PCDHGB5: variants seen among roughly 807,000 people sequenced by gnomAD.
PCDHGB5 encodes protocadherin gamma-B5.
In PCDHGB5, 48 loss-of-function variants were observed where a neutral mutation model predicts 62.9. That is an observed-to-expected ratio of 0.76 (90% CI 0.61 to 0.97). PCDHGB5 has a LOEUF of 0.97. Ranked by LOEUF, PCDHGB5 falls within the 50% of genes least tolerant of loss-of-function variation. The probability of loss-of-function intolerance (pLI) is 0.00; values close to 1 mark genes in which losing one functional copy is unlikely to be tolerated. For synonymous variants in PCDHGB5, 474 were observed against 511.2 expected (o/e 0.93, Z 0.98); for missense variants, 1,118 against 1,198.6 (o/e 0.93, Z 0.99).
intron 1 of PCDHGB5, among the ~76,000 whole-genome samples, chr5:141,482,089 C>CAA (rs36035257): frequency 1.0e-3 from 137 of 134,516 alleles, no homozygotes; most frequent in African/African-American, 1.5e-3. Context: ...CACTCCATCT[C>CAA]AAAAAAAAAA....
rs1256615029 is a variant in PCDHGB5 at position 141,512,740 on chromosome 5, C to T, written c.*1567C>T. ...GCGGGTGGGCAGCGGGCGGCGGGCT[C>T]CGCGCAGCCGTCTGTCCTTGATCTG... On this transcript the variant is annotated 3_prime_UTR_variant, in exon 4 of 4. Transcript: ENST00000617380. 1 of 152,788 alleles carries T rather than the reference C, an allele frequency of 6.5e-6. No individual in the cohort carries two copies. The highest frequency in any genetic ancestry group is 1.5e-5 in the Non-Finnish European group (1 of 68,570). The allele number at this position is 152,788 out of a possible 1,614,324, so 9.5% of individuals were successfully genotyped here.
At chr5:141,410,849 C>CTTTTTCT (rs2095432763) in intron 1 of PCDHGB5, 1 of 129,786 alleles carries the variant, frequency 7.7e-6, no homozygotes, top group Non-Finnish European at 1.3e-5. Flanking sequence ...TTGTCTTTGT[C>CTTTTTCT]TTTTTTTTTT....
At chr5:141,457,524 G>A (rs1427291573) in intron 1 of PCDHGB5, among the ~76,000 whole-genome samples, 1 of 152,188 alleles carries the variant, frequency 6.6e-6, no homozygotes, top group African/African-American at 2.4e-5. Context: ...CAATTAATGA[G>A]ACTAGGGTTT....
chr5:141,489,253 A>T lies in PCDHGB5; in HGVS notation c.2398-5554A>T. 1 of 1,547,506 alleles carries T rather than the reference A, an allele frequency of 6.5e-7. No individual in the cohort carries two copies. The highest frequency in any genetic ancestry group is 2.3e-5 in the East Asian group (1 of 44,418). ...GGACTTCTGGGTCATGGGGCCCAAG[A>T]CACTCCCACAGCTCGCTGGGAAATG... On this transcript the variant is annotated intron_variant, in intron 1 of 3. Coordinates refer to ENST00000617380, the MANE Select transcript of PCDHGB5 (RefSeq NM_018925.3). This position sits in a 1 kb window ranked among gnomAD's most constrained non-coding sequence, Gnocchi z 4.5.
Position 141,511,066 on chromosome 5 carries a change from C to T in PCDHGB5, c.2665C>T (p.Pro889Ser). Residue 889 changes from proline to serine, a missense_variant, in exon 4 of 4, where the codon CCA (proline) becomes TCA (serine). Physicochemically the swap from Pro to Ser is moderately conservative, Grantham distance 74. This residue lies in a region of PCDHGB5 where 1,034 missense variants were observed against 1,029.1 expected (regional missense o/e 1.00). Transcript: ENST00000617380. The part of the protein sequence containing the change: ...VPDYRQNVYI[P>S]GSNATLTNAA... ...CGACTACCGCCAGAATGTCTACATC[C>T]CAGGCAGCAATGCCACACTGACCAA... 1.2e-6 allele frequency: 2 copies of T among 1,614,230 alleles called. No individual in the cohort carries two copies. Among genetic ancestry groups the T allele is most frequent in the Non-Finnish European group, 1.7e-6 (2 of 1,180,036 alleles).
At chr5:141,449,407 G>A (rs1367837385) in intron 1 of PCDHGB5, among the ~76,000 whole-genome samples, 2 of 151,754 alleles carry the variant, frequency 1.3e-5, no homozygotes, top group Non-Finnish European at 2.9e-5. Flanking sequence ...AGGAGTTCAA[G>A]ACCAGCCTGG....
At chr5:141,415,647 A>C in intron 1 of PCDHGB5, 2 of 1,599,602 alleles carry the variant, frequency 1.3e-6, no homozygotes, top group Non-Finnish European at 1.7e-6. Context: ...TTGTTAAAAA[A>C]AAAAAGATTG....
intron 1 of PCDHGB5, chr5:141,404,724 T>C: frequency 6.2e-7 from 1 of 1,613,942 alleles, no homozygotes; most frequent in Non-Finnish European, 8.5e-7. Context: ...GTGACCAAGG[T>C]GGTGGCAGTG....
At chr5:141,409,919 G>A in intron 1 of PCDHGB5, 1 of 1,613,346 alleles carries the variant, frequency 6.2e-7, no homozygotes, top group Non-Finnish European at 8.5e-7. Flanking sequence ...TGACGGCTCC[G>A]CGTTCTTCGA....
Position 141,486,397 on chromosome 5 carries a change from G to A in PCDHGB5, c.2398-8410G>A, listed in dbSNP as rs778989869. The A allele has an allele frequency of 5.0e-6, 8 of 1,614,046 alleles. No individual in the cohort carries two copies. The South Asian group carries it at 7.7e-5, about 16-fold the overall frequency. ...CCTTCAGGAACCAGTTCTCCCTGGT[G>A]ACTGCTGGACCCTTGGATCGAGAGG... On this transcript the variant is annotated intron_variant, in intron 1 of 3. Transcript: ENST00000617380. The surrounding 1 kb of genome is among the most constrained non-coding windows in gnomAD (Gnocchi z 5.0).
rs866878519 is a variant in PCDHGB5, at chr5:141,486,035, C to A, written c.2398-8772C>A. ...TTATTTCAGTGGTCATACCCCTGAT[C>A]GTGTAAGAAACCTCTTTAGCCTGCA... is the stretch of plus-strand genomic sequence containing the variant. On this transcript the variant is annotated intron_variant, in intron 1 of 3. Coordinates refer to ENST00000617380, the MANE Select transcript of PCDHGB5 (RefSeq NM_018925.3). This position sits in a 1 kb window ranked among gnomAD's most constrained non-coding sequence, Gnocchi z 5.0. The A allele has an allele frequency of 1.9e-6, 3 of 1,614,100 alleles. No homozygotes were observed. The East Asian group carries it at 6.7e-5, about 36-fold the overall frequency.
rs556183945 is a variant in PCDHGB5 at position 141,404,478 on chromosome 5, C to G, written c.2397+3954C>G. On this transcript the variant is annotated intron_variant, in intron 1 of 3. Coordinates refer to ENST00000617380, the MANE Select transcript of PCDHGB5 (RefSeq NM_018925.3). ...CTCTCCACCTATGTCTCTATTAACT[C>G]AGACACTGGTGTGCTGTATGCTCTG... 36 of 1,613,412 alleles carry G rather than the reference C, an allele frequency of 2.2e-5. No homozygotes were observed. In the South Asian group the frequency reaches 3.6e-4, roughly 16 times the overall value.
At chr5:141,444,876 G>A (rs921183358) in intron 1 of PCDHGB5, among the ~76,000 whole-genome samples, 1 of 152,186 alleles carries the variant, frequency 6.6e-6, no homozygotes, top group African/African-American at 2.4e-5. Flanking sequence ...GACAAAGCTT[G>A]TAGGATTTTT....
At chr5:141,427,808 G>C (rs756554301) in intron 1 of PCDHGB5, 1 of 1,522,948 alleles carries the variant, frequency 6.6e-7, no homozygotes, top group Non-Finnish European at 9.0e-7. Context: ...TGAGCGCACA[G>C]AGCGGGGTGG....
chr5:141,456,042 C>T (rs1437027249), intron 1 of PCDHGB5, among the ~76,000 whole-genome samples: 3 of 151,886 alleles, frequency 2.0e-5, no homozygotes, highest in Non-Finnish European at 2.9e-5. Flanking sequence ...GGACTACAGG[C>T]GCCCACCACC....
chr5:141,398,743 A>G lies in PCDHGB5; in HGVS notation c.616A>G (p.Ser206Gly). 1 of 1,613,864 alleles carries G rather than the reference A, an allele frequency of 6.2e-7. No homozygotes were observed. Among genetic ancestry groups the G allele is most frequent in the Non-Finnish European group, 8.5e-7 (1 of 1,179,904 alleles). The change falls in exon 1 of 4, where the codon AGT (serine) becomes GGT (glycine). Residue 206 changes from serine (S) to glycine (G), a missense_variant. By Grantham distance (56) the Ser-to-Gly change is moderately conservative (BLOSUM62 0). Around this residue, in one of 2 missense-constraint regions of PCDHGB5, gnomAD observed 1,034 missense variants for 1,029.1 expected, o/e 1.00. Coordinates refer to ENST00000617380, the MANE Select transcript of PCDHGB5 (RefSeq NM_018925.3). The stretch of plus-strand genomic sequence containing the variant: ...GAAAACCTTAGACCGGGAACAACAG[A>G]GTTACCATCGTTTAGTCCTGACTGC... ...LEKTLDREQQSYHRLVLTALD... is the reference protein window; with the variant it reads ...LEKTLDREQQGYHRLVLTALD...
At position 141,477,866 on chromosome 5, in the gene PCDHGB5, A is replaced by G; in HGVS notation, c.2398-16941A>G. ...CTCGGTGGAGATGCTGCCTCGAGGT[A>G]CCTCAGCTGGCCACCTAGTGTCACG... On this transcript the variant is annotated intron_variant, in intron 1 of 3. Coordinates refer to ENST00000617380, the MANE Select transcript of PCDHGB5 (RefSeq NM_018925.3). This position sits in a 1 kb window ranked among gnomAD's most constrained non-coding sequence, Gnocchi z 4.9. 1 of 1,614,072 alleles carries G rather than the reference A, an allele frequency of 6.2e-7. No homozygotes were observed. Among genetic ancestry groups the G allele is most frequent in the Non-Finnish European group, 8.5e-7 (1 of 1,179,988 alleles).
At chr5:141,415,095 C>A (rs1045755927) in intron 1 of PCDHGB5, 2 of 1,613,466 alleles carry the variant, frequency 1.2e-6, no homozygotes, top group East Asian at 2.2e-5. Flanking sequence ...TGGACAGAGA[C>A]GCGCTCAAGC....
intron 2 of PCDHGB5, among the ~76,000 whole-genome samples, chr5:141,497,219 A>G (rs974609491): frequency 6.7e-6 from 1 of 149,602 alleles, no homozygotes; most frequent in South Asian, 2.1e-4. Context: ...TGGGGGGGGG[A>G]AGATCAGAGA....
Sources: allele counts gnomAD v4.1 joint callset (sites outside exome capture counted in the v4.1 genomes callset), GRCh38; gene constraint gnomAD v4.1.1; regional missense constraint gnomAD v4.1.1; non-coding constraint Gnocchi (gnomAD v3.1); transcripts MANE v1.5; gene names NCBI Gene and HGNC (gene_info 2026-07-23, HGNC 2026-07-21).